The following TBC1D10A variants were observed in gnomAD, a reference collection of about 807,000 sequenced individuals.
The protein encoded by TBC1D10A is TBC1 domain family member 10A.
In TBC1D10A, 24 loss-of-function variants were observed where a neutral mutation model predicts 52.9. The ratio of observed to expected loss-of-function variants is 0.45; its 90% CI spans 0.33 to 0.64. TBC1D10A has a LOEUF of 0.64. Ranked by LOEUF, TBC1D10A falls within the 30% of genes least tolerant of loss-of-function variation. The probability of loss-of-function intolerance (pLI) is 0.02; values close to 1 mark genes in which losing one functional copy is unlikely to be tolerated. For synonymous variants in TBC1D10A, 278 were observed against 282.9 expected (o/e 0.98, Z 0.17); for missense variants, 602 against 687.9 (o/e 0.88, Z 1.40).
In TBC1D10A at chr22:30,306,998, A is replaced by G. The variant is rs1421939219; in HGVS notation, c.210-2368T>C. ...TGTCTGATATAGAAATCCTTTCTAC[A>G]TTAGGCAAGTCCCCTTTCTTCTCTG... On this transcript the variant is annotated intron_variant, in intron 1 of 8. Transcript: ENST00000215790. Among the ~76,000 whole-genome samples the G allele has an allele frequency of 2.3e-4, 35 of 152,220 alleles. 1 individual carries two copies. Among genetic ancestry groups the G allele is most frequent in the Admixed American group, 2.3e-3 (35 of 15,284 alleles).
intron 1 of TBC1D10A, among the ~76,000 whole-genome samples, chr22:30,326,209 G>A (rs1930768424): frequency 6.6e-6 from 1 of 151,116 alleles, no homozygotes; most frequent in Non-Finnish European, 1.5e-5. Context: ...TGTGGGGGCA[G>A]TGAGGCGGGG....
At chr22:30,326,148 A>G in intron 1 of TBC1D10A, among the ~76,000 whole-genome samples, 2 of 127,220 alleles carry the variant, frequency 1.6e-5, no homozygotes, top group Admixed American at 8.1e-5. Context: ...CTGTCCTGGG[A>G]AGGGGTGGGG....
intron 1 of TBC1D10A, among the ~76,000 whole-genome samples, chr22:30,310,437 G>C (rs1217845724): frequency 6.6e-6 from 1 of 152,184 alleles, no homozygotes; most frequent in African/African-American, 2.4e-5. Context: ...GAGGCTCTGA[G>C]AGATTACTTA....
At chr22:30,308,060 T>G (rs1930345559) in intron 1 of TBC1D10A, among the ~76,000 whole-genome samples, 1 of 152,216 alleles carries the variant, frequency 6.6e-6, no homozygotes, top group Non-Finnish European at 1.5e-5. Flanking sequence ...CCTCCTGAAG[T>G]GTTGGGATTA....
At chr22:30,322,593 CTTTTTTTTTTTTTTT>C (rs34874729) in intron 1 of TBC1D10A, among the ~76,000 whole-genome samples, 1 of 24,874 alleles carries the variant, frequency 4.0e-5, no homozygotes, top group East Asian at 1.4e-3. Flanking sequence ...TCACTTTCAG[CTTTTTTTTTTTTTTT>C]TTTTTTTTTT....
chr22:30,305,053 T>C (rs752900302), intron 1 of TBC1D10A, among the ~76,000 whole-genome samples: 5 of 152,194 alleles, frequency 3.3e-5, no homozygotes, highest in Admixed American at 6.5e-5. Flanking sequence ...AATAATATGC[T>C]CACCTCTTTA....
chr22:30,299,121 C>T, intron 3 of TBC1D10A: 2 of 248,936 alleles, frequency 8.0e-6, no homozygotes, highest in Non-Finnish European at 1.6e-5. Context: ...TGACCAAGAG[C>T]AGGGAGGTAG....
At chr22:30,313,992 G>A (rs1171347619) in intron 1 of TBC1D10A, among the ~76,000 whole-genome samples, 2 of 152,058 alleles carry the variant, frequency 1.3e-5, no homozygotes, top group East Asian at 1.9e-4. Context: ...AACAACAGAC[G>A]CTTGCTATGC....
intron 1 of TBC1D10A, among the ~76,000 whole-genome samples, chr22:30,326,367 T>C (rs1930773216): frequency 6.6e-6 from 1 of 151,700 alleles, no homozygotes; most frequent in Non-Finnish European, 1.5e-5. Context: ...TGGGGCAGTC[T>C]GTCATTCTGT....
At chr22:30,326,590 G>C (rs1601684701) in intron 1 of TBC1D10A, 83 bp downstream of exon 1, 1 of 1,359,092 alleles carries the variant, frequency 7.4e-7, no homozygotes, top group East Asian at 3.0e-5. Context: ...GGGACGTGTC[G>C]GCAAGTCCCG....
Position 30,293,712 on chromosome 22 carries a change from G to C in TBC1D10A, c.989C>G (p.Thr330Ser), listed in dbSNP as rs1422319183. ...GCTGAGGCTCCGCAGTCGCTCGATGGTCTCGTACTGGCCCTGGCAGGCTTT... is the reference window on the plus strand; with the variant it reads ...GCTGAGGCTCCGCAGTCGCTCGATGCTCTCGTACTGGCCCTGGCAGGCTTT... ...KVKACQGQYE[T>S]IERLRSLSPK... Residue 330 changes from threonine to serine, a missense_variant, in exon 8 of 9, where the codon ACC (threonine) becomes AGC (serine). By Grantham distance (58) the Thr-to-Ser change is moderately conservative (BLOSUM62 1). Coordinates refer to ENST00000215790, the MANE Select transcript of TBC1D10A (RefSeq NM_031937.3). 6.2e-7 allele frequency: 1 copy of C among 1,613,404 alleles called. No homozygotes were observed. Among genetic ancestry groups the C allele is most frequent in the Admixed American group, 1.7e-5 (1 of 60,022 alleles).
intron 2 of TBC1D10A, among the ~76,000 whole-genome samples, chr22:30,303,350 C>G (rs1601673207): frequency 1.3e-5 from 2 of 150,938 alleles, no homozygotes; most frequent in African/African-American, 4.9e-5. Flanking sequence ...GATAGATAGA[C>G]AGATAGCTAT....
chr22:30,304,485 C>G (rs762211265), intron 2 of TBC1D10A, 46 bp downstream of exon 2: 45 of 1,612,470 alleles, frequency 2.8e-5, no homozygotes, highest in Non-Finnish European at 3.7e-5. Context: ...CTCCTCCTCC[C>G]CAAGCTGCCA....
chr22:30,315,569 CTCTT>C (rs1241404492), intron 1 of TBC1D10A, among the ~76,000 whole-genome samples: 1 of 152,190 alleles, frequency 6.6e-6, no homozygotes, highest in African/African-American at 2.4e-5. Flanking sequence ...AGCCTAGGTT[CTCTT>C]TCTTTGTGAA....
At chr22:30,310,621 A>G (rs555787376) in intron 1 of TBC1D10A, among the ~76,000 whole-genome samples, 2 of 152,324 alleles carry the variant, frequency 1.3e-5, no homozygotes, top group Admixed American at 6.5e-5. Flanking sequence ...ATGTGAGGCA[A>G]TTAAGAGCTG....
rs747483560 is a variant in TBC1D10A at position 30,294,006 on chromosome 22, A to T, written c.810T>A (p.Tyr270Ter). 1 of 1,614,182 alleles carries T rather than the reference A, an allele frequency of 6.2e-7. No individual in the cohort carries two copies. Among genetic ancestry groups the T allele is most frequent in the East Asian group, 2.2e-5 (1 of 44,886 alleles). Residue 270 changes from tyrosine to a stop codon, truncating the protein, a stop_gained, in exon 7 of 9, where the codon TAT becomes TAA. Coordinates refer to ENST00000215790, the MANE Select transcript of TBC1D10A (RefSeq NM_031937.3). LOFTEE classifies it high-confidence loss of function. ...LSRQKIDPLL[Y>*]MTEWFMCAFS... ...AGGCGCACATGAACCATTCTGTCATATAGAGGAGCGGGTCGATCTTCTGAC... is the reference window on the plus strand; with the variant it reads ...AGGCGCACATGAACCATTCTGTCATTTAGAGGAGCGGGTCGATCTTCTGAC...
At chr22:30,318,650 C>A (rs967717507) in intron 1 of TBC1D10A, 32 of 471,198 alleles carry the variant, frequency 6.8e-5, no homozygotes, top group African/African-American at 6.0e-4. Flanking sequence ...TAGTCCAGAG[C>A]CTTCCTACCT....
At chr22:30,294,453 G>A (rs1930029567) in intron 6 of TBC1D10A, among the ~76,000 whole-genome samples, 1 of 152,210 alleles carries the variant, frequency 6.6e-6, no homozygotes, top group African/African-American at 2.4e-5. Context: ...AAAAGCTGAA[G>A]GACAAGAGAA....
rs59869717 is a variant in TBC1D10A at position 30,313,533 on chromosome 22, G to A, written c.210-8903C>T. On this transcript the variant is annotated intron_variant, in intron 1 of 8. Coordinates refer to ENST00000215790, the MANE Select transcript of TBC1D10A (RefSeq NM_031937.3). ...TGAGTAGCTGGGACTACAGGTGTGCGCCACCACGGCCAGCTAATTTTTTTT... is the reference window on the plus strand; with the variant it reads ...TGAGTAGCTGGGACTACAGGTGTGCACCACCACGGCCAGCTAATTTTTTTT... Among the ~76,000 whole-genome samples the A allele has an allele frequency of 6.5e-3, 960 of 147,192 alleles. 13 individuals carry two copies. The highest frequency in any genetic ancestry group is 0.023 in the African/African-American group (893 of 39,544).
Sources: gnomAD v4.1 joint callset for allele counts (sites outside exome capture counted in the v4.1 genomes callset) on GRCh38, gnomAD v4.1.1 for gene constraint, MANE v1.5 for transcripts, NCBI Gene and HGNC (gene_info 2026-07-23, HGNC 2026-07-21) for gene names.